ZNF226: variants seen among roughly 807,000 people sequenced by gnomAD.
ZNF226 encodes Kruppel-associated box protein.
ZNF226 carries 6 observed loss-of-function variants against 11.4 expected under a neutral mutation model. The ratio of observed to expected loss-of-function variants is 0.53; its 90% confidence interval spans 0.29 to 1.04. The LOEUF (loss-of-function observed/expected upper bound fraction) is 1.04, where lower values mean the gene tolerates loss of function less well. ZNF226 is among the 50% of genes least tolerant of loss of function. The pLI is 0.08. For missense variants in ZNF226, 1,058 were observed against 956.5 expected, an observed-to-expected ratio of 1.11 and a Z score of -1.40; for synonymous variants, 350 against 322.8, an observed-to-expected ratio of 1.08 and a Z score of -0.90.
the ZNF226 span, among the ~76,000 whole-genome samples, chr19:44,194,251 G>A: frequency 5.1e-4 from 78 of 152,182 alleles, no homozygotes; most frequent in African/African-American, 1.7e-3. Context: ...CGTTCCTAGT[G>A]GCATTTATTA....
the ZNF226 span, among the ~76,000 whole-genome samples, chr19:44,192,969 T>A: frequency 2.0e-5 from 3 of 152,102 alleles, no homozygotes; most frequent in Non-Finnish European, 4.4e-5. Flanking sequence ...TAAACACAAA[T>A]TTTTTCCATA....
Position 44,177,475 on chromosome 19 carries a change from G to A in ZNF226, c.2213G>A (p.Arg738Gln), listed in dbSNP as rs765730920. The A allele has an allele frequency of 1.2e-5, 19 of 1,613,974 alleles. No individual in the cohort carries two copies. The highest frequency in any genetic ancestry group is 5.5e-5 in the South Asian group (5 of 91,084). ...KCDVCGKVFS[R>Q]SSQLQSHQRV... Reference sequence around the variant, plus strand: ...GATGTGTGTGGTAAAGTCTTCAGTCGGTCTTCACAACTACAGTCTCATCAG... The same window carrying A: ...GATGTGTGTGGTAAAGTCTTCAGTCAGTCTTCACAACTACAGTCTCATCAG... The change falls in exon 6 of 6, where the codon CGG (arginine) becomes CAG (glutamine). Residue 738 changes from arginine (R) to glutamine (Q), a missense_variant. By Grantham distance (43) the Arg-to-Gln change is conservative. Coordinates refer to ENST00000337433, the MANE Select transcript of ZNF226 (RefSeq NM_001032373.2).
chr19:44,179,542 A>G (rs1000883181), downstream of ZNF226, among the ~76,000 whole-genome samples: 3 of 152,216 alleles, frequency 2.0e-5, no homozygotes, highest in African/African-American at 7.2e-5. Flanking sequence ...GAGTGAATAT[A>G]TATTTGCAGT....
downstream of ZNF226, among the ~76,000 whole-genome samples, chr19:44,181,378 T>TC (rs1278214997): frequency 6.6e-6 from 1 of 152,072 alleles, no homozygotes; most frequent in East Asian, 1.9e-4. Context: ...TGAGACACTG[T>TC]CTCAAGAAAA....
At chr19:44,198,700 G>A in the ZNF226 span, among the ~76,000 whole-genome samples, 1 of 152,374 alleles carries the variant, frequency 6.6e-6, no homozygotes, top group Non-Finnish European at 1.5e-5. Context: ...ATATCTGAGA[G>A]CAGTAAGGAT....
chr19:44,193,747 C>T, the ZNF226 span, among the ~76,000 whole-genome samples: 643 of 152,324 alleles, frequency 4.2e-3, 3 homozygotes, highest in South Asian at 8.1e-3. Context: ...ACATGTTAAT[C>T]CTACAGTTCC....
At chr19:44,175,044 G>A (rs201914935) in intron 5 of ZNF226, 76 of 1,610,926 alleles carry the variant, frequency 4.7e-5, no homozygotes, top group Admixed American at 8.4e-5. Context: ...ACTTGGATTT[G>A]AAGTTAGAAG....
downstream of ZNF226, chr19:44,177,823 C>G (rs1193859088): frequency 3.3e-6 from 3 of 898,742 alleles, no homozygotes; most frequent in Admixed American, 3.3e-5. Flanking sequence ...TAGTCAGAAC[C>G]TTGACCTTTA....
rs779086185 is a variant in ZNF226 at position 44,176,376 on chromosome 19, T to C, written c.1114T>C (p.Phe372Leu). ...TAATTGTGAGGAGTGTGGGAGGGCC[T>C]TCAGTCAGGCCTCTCATCTTCAGGA... is the stretch of plus-strand genomic sequence containing the variant. ...PYNCEECGRA[F>L]SQASHLQDHQ... The change falls in exon 6 of 6, where the codon TTC becomes CTC. Residue 372 changes from phenylalanine (F) to leucine (L), a missense_variant. Coordinates refer to ENST00000337433, the MANE Select transcript of ZNF226 (RefSeq NM_001032373.2). 1 of 1,614,134 alleles carries C rather than the reference T, an allele frequency of 6.2e-7. No individual in the cohort carries two copies. The highest frequency in any genetic ancestry group is 1.3e-5 in the African/African-American group (1 of 75,016).
chr19:44,168,075 AATT>A (rs1169976142), intron 2 of ZNF226, among the ~76,000 whole-genome samples: 1 of 152,122 alleles, frequency 6.6e-6, no homozygotes, highest in Non-Finnish European at 1.5e-5. Flanking sequence ...TGGAAGAGGC[AATT>A]ATTTGGCTAT....
rs927377735 is a variant in ZNF226 at position 44,167,372 on chromosome 19, G to A, written c.-47+1565G>A. Among the ~76,000 whole-genome samples, 4 of 134,560 alleles carry A rather than the reference G, an allele frequency of 3.0e-5. No individual in the cohort carries two copies. The South Asian group carries it at 7.0e-4, about 23-fold the overall frequency. 88.3% of individuals were successfully genotyped at this position (134,560 alleles called of 152,430 possible). A position where few individuals can be genotyped will look rare whatever the true frequency, so the allele number is the denominator to read the frequency against. Reference sequence around the variant, plus strand: ...TCACTTTTGTTGCCCAGGCTGGAGTGCAATGGCGTGATCTCGGCTCACTGC... The same window carrying A: ...TCACTTTTGTTGCCCAGGCTGGAGTACAATGGCGTGATCTCGGCTCACTGC... On this transcript the variant is annotated intron_variant, in intron 2 of 5. Transcript: ENST00000337433.
downstream of ZNF226, among the ~76,000 whole-genome samples, chr19:44,181,979 G>T (rs922932892): frequency 6.6e-6 from 1 of 152,172 alleles, no homozygotes; most frequent in African/African-American, 2.4e-5. Context: ...AGAAACCTGA[G>T]AAATAGATAT....
At chr19:44,178,330 C>T (rs1970851178), downstream of ZNF226, 2 of 152,404 alleles carry the variant, frequency 1.3e-5, 1 homozygote, top group African/African-American at 4.8e-5. Context: ...AATAACTGGA[C>T]ACTACATACT....
chr19:44,175,612 C>G lies in ZNF226; in HGVS notation c.350C>G (p.Ser117Cys). 2.5e-6 allele frequency: 4 copies of G among 1,613,894 alleles called. No homozygotes were observed. Among genetic ancestry groups the G allele is most frequent in the Non-Finnish European group, 3.4e-6 (4 of 1,179,834 alleles). The change falls in exon 6 of 6, where the codon TCC becomes TGC. Residue 117 changes from serine to cysteine, a missense_variant. Ser to Cys is a moderately radical substitution (Grantham distance 112). Transcript: ENST00000337433. The part of the protein sequence containing the change: ...IANDLTRCQD[S>C]MINNSQCHKQ... ...AATGACTTAACCAGGTGTCAAGACT[C>G]CATGATCAATAATTCTCAGTGTCAC... is the stretch of plus-strand genomic sequence containing the variant.
chr19:44,194,405 A>C, the ZNF226 span, among the ~76,000 whole-genome samples: 3 of 152,060 alleles, frequency 2.0e-5, no homozygotes, highest in African/African-American at 7.2e-5. Flanking sequence ...CCTCCTGAGT[A>C]GCTGGGGAGA....
downstream of ZNF226, among the ~76,000 whole-genome samples, chr19:44,181,121 G>C (rs1299482091): frequency 6.6e-6 from 1 of 152,192 alleles, no homozygotes; most frequent in Non-Finnish European, 1.5e-5. Flanking sequence ...GCTCACACCT[G>C]TAATCCCAGC....
chr19:44,198,450 A>C, the ZNF226 span, among the ~76,000 whole-genome samples: 5 of 152,262 alleles, frequency 3.3e-5, no homozygotes, highest in Non-Finnish European at 5.9e-5. Context: ...TTTTCATTGA[A>C]GTATAAATAT....
In ZNF226 at chr19:44,177,385, T is replaced by G. The variant is rs528299115; in HGVS notation, c.2123T>G (p.Phe708Cys). 1 of 1,613,992 alleles carries G rather than the reference T, an allele frequency of 6.2e-7. No individual in the cohort carries two copies. Among genetic ancestry groups the G allele is most frequent in the African/African-American group, 1.3e-5 (1 of 74,968 alleles). The change falls in exon 6 of 6, where the codon TTC becomes TGC. Residue 708 changes from phenylalanine to cysteine, a missense_variant. By Grantham distance (205) the Phe-to-Cys change is radical. Transcript: ENST00000337433. Reference sequence around the variant, plus strand: ...AAATGTGGGGAGTGTGGTAAGTACTTCAGTCAGGCCTCAAGTCTTCAACTT... The same window carrying G: ...AAATGTGGGGAGTGTGGTAAGTACTGCAGTCAGGCCTCAAGTCTTCAACTT... ...PYKCGECGKY[F>C]SQASSLQLHQ...
chr19:44,192,594 AT>A, the ZNF226 span, among the ~76,000 whole-genome samples: 3 of 152,228 alleles, frequency 2.0e-5, no homozygotes, highest in Non-Finnish European at 4.4e-5. Context: ...ATCATGTGCA[AT>A]GAGATACAGC....
Sources: allele counts gnomAD v4.1 joint callset (sites outside exome capture counted in the v4.1 genomes callset), GRCh38; gene constraint gnomAD v4.1.1; transcripts MANE v1.5; gene names NCBI Gene and HGNC (gene_info 2026-07-23, HGNC 2026-07-21).